The following PCSK6 variants were observed in gnomAD, a reference collection of about 807,000 sequenced individuals.
The protein encoded by PCSK6 is proprotein convertase subtilisin/kexin type 6.
PCSK6 carries 85 observed loss-of-function variants against 123.3 expected under a neutral mutation model. That is an observed-to-expected ratio of 0.69 (90% confidence interval 0.58 to 0.83). The LOEUF is 0.83. Ranked by LOEUF, PCSK6 falls within the 40% of genes least tolerant of loss-of-function variation. The probability of loss-of-function intolerance (pLI) is 0.00; values close to 1 mark genes in which losing one functional copy is unlikely to be tolerated. For missense variants in PCSK6, 1,191 were observed against 1,282.3 expected (o/e 0.93, Z 1.09); for synonymous variants, 508 against 516.0 (o/e 0.98, Z 0.21).
chr15:101,398,508 A>C lies in PCSK6; in HGVS notation c.892T>G (p.Tyr298Asp), dbSNP rs1319015877. 6.2e-7 allele frequency: 1 copy of C among 1,613,922 alleles called. No individual in the cohort carries two copies. The highest frequency in any genetic ancestry group is 1.7e-5 in the Admixed American group (1 of 60,022). The change falls in exon 7 of 22, where the codon TAC becomes GAC. Residue 298 changes from tyrosine to aspartate, a missense_variant. By Grantham distance (160) the Tyr-to-Asp change is radical. Coordinates refer to ENST00000611716, the MANE Select transcript of PCSK6 (RefSeq NM_002570.5). This position sits in a 1 kb window ranked among gnomAD's most constrained non-coding sequence, Gnocchi z 4.6. Reference protein sequence around the residue: ...EAKSLGIRPNYIDIYSASWGP... With the variant: ...EAKSLGIRPNDIDIYSASWGP... ...CAGCTGGCACTGTAAATGTCGATGT[A>C]GTTGGGTCTGATGCCCAGCGACTTT...
At chr15:101,478,127 T>G (rs760820300) in intron 1 of PCSK6, among the ~76,000 whole-genome samples, 11 of 152,156 alleles carry the variant, frequency 7.2e-5, no homozygotes, top group Non-Finnish European at 1.3e-4. Context: ...AGACTCTGTC[T>G]ATGAGGAAGG....
At chr15:101,366,671 A>G (rs917532983) in intron 12 of PCSK6, among the ~76,000 whole-genome samples, 8 of 152,172 alleles carry the variant, frequency 5.3e-5, no homozygotes, top group African/African-American at 1.9e-4. Flanking sequence ...TTCCTGCAGA[A>G]GGTGGCTGGC....
intron 19 of PCSK6, among the ~76,000 whole-genome samples, chr15:101,317,893 C>T (rs957117872): frequency 6.6e-5 from 10 of 152,228 alleles, no homozygotes; most frequent in Non-Finnish European, 1.3e-4. Flanking sequence ...CGGGGTCTCA[C>T]AGCTTTGCTG....
At chr15:101,456,744 C>T (rs550564236) in intron 1 of PCSK6, among the ~76,000 whole-genome samples, 6 of 152,162 alleles carry the variant, frequency 3.9e-5, no homozygotes, top group Admixed American at 1.3e-4. Context: ...CTTCTCTACT[C>T]GTCTTTCGAG....
At chr15:101,325,342 G>C (rs1473484663) in intron 16 of PCSK6, among the ~76,000 whole-genome samples, 3 of 152,230 alleles carry the variant, frequency 2.0e-5, no homozygotes, top group Non-Finnish European at 4.4e-5. Context: ...GGAACTGTCG[G>C]CTCTGGCAAA....
intron 18 of PCSK6, among the ~76,000 whole-genome samples, chr15:101,321,570 G>A (rs957929193): frequency 3.3e-5 from 5 of 152,244 alleles, no homozygotes; most frequent in African/African-American, 1.2e-4. Flanking sequence ...TGCTCAGTAA[G>A]TTTTCTTCCT....
intron 11 of PCSK6, among the ~76,000 whole-genome samples, 189 bp downstream of exon 11, chr15:101,381,903 T>A (rs1302952938): frequency 6.6e-6 from 1 of 152,248 alleles, no homozygotes; most frequent in Non-Finnish European, 1.5e-5. Context: ...CAGTGGTGGC[T>A]TAAGAAGTGA....
chr15:101,367,468 G>C (rs139572232), intron 12 of PCSK6, among the ~76,000 whole-genome samples: 2 of 152,272 alleles, frequency 1.3e-5, no homozygotes, highest in African/African-American at 4.8e-5. Context: ...GTTTATCTAG[G>C]GAACATTCTT....
intron 13 of PCSK6, among the ~76,000 whole-genome samples, chr15:101,341,410 T>C (rs959402437): frequency 6.6e-5 from 10 of 151,944 alleles, no homozygotes; most frequent in Non-Finnish European, 4.4e-5. Context: ...TACAGGCGCC[T>C]GCCACCACGC....
At chr15:101,381,132 C>T (rs548853520) in intron 11 of PCSK6, among the ~76,000 whole-genome samples, 6 of 151,952 alleles carry the variant, frequency 3.9e-5, no homozygotes, top group East Asian at 1.9e-4. Context: ...GAGGCCAAGG[C>T]GGGTGGATCA....
At chr15:101,316,164 A>C (rs118062766) in intron 19 of PCSK6, among the ~76,000 whole-genome samples, 1 of 152,200 alleles carries the variant, frequency 6.6e-6, no homozygotes, top group Non-Finnish European at 1.5e-5. Flanking sequence ...GACATGGAAC[A>C]AGAAGCCTCC....
chr15:101,326,378 T>C lies in PCSK6; in HGVS notation c.2179A>G (p.Arg727Gly). The C allele has an allele frequency of 1.9e-6, 3 of 1,567,668 alleles. No homozygotes were observed. Among genetic ancestry groups the C allele is most frequent in the Non-Finnish European group, 2.6e-6 (3 of 1,155,750 alleles). The change falls in exon 16 of 22, where the codon AGG (arginine) becomes GGG (glycine). Residue 727 changes from arginine to glycine, a missense_variant and splice_region_variant. Physicochemically the swap from Arg to Gly is moderately radical, Grantham distance 125 (BLOSUM62 -2). Transcript: ENST00000611716. The part of the protein sequence containing the change: ...HFSLGSVKTS[R>G]KCVSVCPLGY... The stretch of plus-strand genomic sequence containing the variant: ...ACAGGGCTGCGGGACATGCATTACC[T>C]GCTGGTCTTGACACTCCCCAGGCTG...
chr15:101,362,937 A>G (rs1236880115), intron 13 of PCSK6, among the ~76,000 whole-genome samples: 1 of 152,178 alleles, frequency 6.6e-6, no homozygotes, highest in Non-Finnish European at 1.5e-5. Flanking sequence ...ATGGGACCAT[A>G]GGCTTGGGCA....
At chr15:101,444,997 T>C (rs1290213038) in intron 1 of PCSK6, among the ~76,000 whole-genome samples, 1 of 152,228 alleles carries the variant, frequency 6.6e-6, no homozygotes. Flanking sequence ...TGTTCGTGGG[T>C]TTAGGAGACA....
At chr15:101,347,691 G>A in intron 13 of PCSK6, 1 of 1,605,188 alleles carries the variant, frequency 6.2e-7, no homozygotes, top group Non-Finnish European at 8.5e-7. Context: ...GGTGGCTTTG[G>A]TCATCTGTCC....
intron 2 of PCSK6, among the ~76,000 whole-genome samples, chr15:101,434,887 C>A (rs969660239): frequency 2.0e-5 from 3 of 152,168 alleles, no homozygotes; most frequent in Admixed American, 6.5e-5. Context: ...CCGGATCCCA[C>A]CTCCTACCCA....
At chr15:101,385,183 AT>A (rs11324676) in intron 9 of PCSK6, among the ~76,000 whole-genome samples, 125,426 of 152,026 alleles carry the variant, frequency 0.83, 52,171 homozygotes, top group African/African-American at 0.93. Context: ...CACCCGGCTA[AT>A]TTTTTACATT....
At chr15:101,386,103 G>A (rs528092565) in intron 9 of PCSK6, among the ~76,000 whole-genome samples, 3 of 152,048 alleles carry the variant, frequency 2.0e-5, no homozygotes, top group South Asian at 2.1e-4. Flanking sequence ...CTCGGTGCAC[G>A]TTTACTAGGA....
intron 8 of PCSK6, 91 bp from the exon 9 acceptor site, chr15:101,389,655 T>C (rs2141537564): frequency 1.0e-6 from 1 of 959,690 alleles, no homozygotes; most frequent in South Asian, 1.5e-5. Context: ...TGCCACTAAC[T>C]GGCAAGCGTG....
Sources: gnomAD v4.1 joint callset for allele counts (sites outside exome capture counted in the v4.1 genomes callset) on GRCh38, gnomAD v4.1.1 for gene constraint, Gnocchi (gnomAD v3.1) non-coding constraint, MANE v1.5 for transcripts, NCBI Gene and HGNC (gene_info 2026-07-23, HGNC 2026-07-21) for gene names.